SMAGP: variants seen among roughly 807,000 people sequenced by gnomAD.
SMAGP encodes the protein small cell adhesion glycoprotein.
In SMAGP, 7 loss-of-function variants were observed where a neutral mutation model predicts 10.1. The observed-to-expected ratio is 0.70, with a 90% CI of 0.40 to 1.31. SMAGP has a LOEUF of 1.31. Ranked by LOEUF, SMAGP falls within the 50% of genes most tolerant of loss-of-function variation. The pLI is 0.01. For missense variants in SMAGP, 113 were observed against 116.5 expected, an observed-to-expected ratio of 0.97 and a Z score of 0.14; for synonymous variants, 49 against 47.2, an observed-to-expected ratio of 1.04 and a Z score of -0.16.
chr12:51,250,075 T>G (rs1166385873), intron 2 of SMAGP, among the ~76,000 whole-genome samples: 1 of 151,780 alleles, frequency 6.6e-6, no homozygotes, highest in East Asian at 1.9e-4. Flanking sequence ...TTAATATGCT[T>G]AGTGATTAAA....
At chr12:51,248,800 C>A (rs1341763981) in intron 2 of SMAGP, among the ~76,000 whole-genome samples, 2 of 150,080 alleles carry the variant, frequency 1.3e-5, no homozygotes, top group African/African-American at 4.9e-5. Flanking sequence ...TGCCTGTAAT[C>A]CCAGCCCTTT....
At chr12:51,265,878 C>T (rs544511875) in intron 2 of SMAGP, among the ~76,000 whole-genome samples, 41 of 152,078 alleles carry the variant, frequency 2.7e-4, no homozygotes, top group African/African-American at 9.2e-4. Flanking sequence ...GTCAGGAGAT[C>T]AAGACCATCC....
intron 2 of SMAGP, among the ~76,000 whole-genome samples, chr12:51,264,983 A>C (rs1565660794): frequency 3.3e-5 from 5 of 150,992 alleles, no homozygotes. Context: ...TTCAACGATC[A>C]ATTTTTTAAA....
At position 51,266,275 on chromosome 12, in the gene SMAGP, C is replaced by T. The variant is rs76118493; in HGVS notation, c.34+2970G>A. Among the ~76,000 whole-genome samples the T allele has an allele frequency of 3.2e-3, 480 of 152,260 alleles. 1 individual carries two copies. Among genetic ancestry groups the T allele is most frequent in the Non-Finnish European group, 5.3e-3 (358 of 68,010 alleles). On this transcript the variant is annotated intron_variant, in intron 2 of 3. Transcript: ENST00000603798. ...GCGTGATGAAATCTCACACCCTGCTCCATCCTGCCTGGAAAGTGAATCATC... is the reference window on the plus strand; with the variant it reads ...GCGTGATGAAATCTCACACCCTGCTTCATCCTGCCTGGAAAGTGAATCATC...
chr12:51,269,360 C>T, intron 1 of SMAGP, 44 bp from the exon 2 acceptor site: 1 of 1,547,944 alleles, frequency 6.5e-7, no homozygotes, highest in Non-Finnish European at 8.9e-7. Context: ...GGGTGGGCCC[C>T]TATGGCTTTG....
At chr12:51,254,956 G>A (rs77135460) in intron 2 of SMAGP, among the ~76,000 whole-genome samples, 2 of 152,350 alleles carry the variant, frequency 1.3e-5, no homozygotes, top group African/African-American at 4.8e-5. Flanking sequence ...GTAGGCCAAG[G>A]TAAGGGCTTT....
intron 2 of SMAGP, among the ~76,000 whole-genome samples, chr12:51,256,740 AC>A (rs1944888240): frequency 2.8e-5 from 1 of 35,296 alleles, no homozygotes; most frequent in African/African-American, 6.5e-5. Context: ...AAACAAACAA[AC>A]AAAAAAAACA....
chr12:51,248,560 G>C (rs554300767), intron 2 of SMAGP, among the ~76,000 whole-genome samples: 6 of 152,088 alleles, frequency 3.9e-5, no homozygotes, highest in African/African-American at 1.2e-4. Context: ...CCGCAGGAGC[G>C]GGCCTCAGGA....
intron 2 of SMAGP, among the ~76,000 whole-genome samples, chr12:51,247,685 C>T (rs1015579066): frequency 6.6e-6 from 1 of 152,204 alleles, no homozygotes; most frequent in African/African-American, 2.4e-5. Context: ...GGAAAACCAG[C>T]TGGCTGATCC....
At chr12:51,252,106 T>TG (rs2137299060) in intron 2 of SMAGP, among the ~76,000 whole-genome samples, 1 of 151,736 alleles carries the variant, frequency 6.6e-6, no homozygotes, top group African/African-American at 2.4e-5. Context: ...TTTTTTTTTT[T>TG]TTTTCCAGAC....
chr12:51,255,996 C>G (rs1226216538), intron 2 of SMAGP, among the ~76,000 whole-genome samples: 1 of 152,120 alleles, frequency 6.6e-6, no homozygotes, highest in Non-Finnish European at 1.5e-5. Flanking sequence ...GTCTTGAACT[C>G]CTAACCTCAA....
intron 2 of SMAGP, among the ~76,000 whole-genome samples, chr12:51,248,942 T>C (rs1470714666): frequency 2.8e-5 from 4 of 141,766 alleles, no homozygotes; most frequent in Non-Finnish European, 6.0e-5. Flanking sequence ...TAGCCAAGTA[T>C]GGTGGTGTGC....
chr12:51,260,929 AC>A (rs1944927256), intron 2 of SMAGP, among the ~76,000 whole-genome samples: 2 of 150,248 alleles, frequency 1.3e-5, no homozygotes, highest in African/African-American at 4.9e-5. Context: ...TTCGTGATCC[AC>A]CCGCCTCAGC....
chr12:51,263,177 G>A (rs1479936943), intron 2 of SMAGP, among the ~76,000 whole-genome samples: 1 of 152,086 alleles, frequency 6.6e-6, no homozygotes, highest in African/African-American at 2.4e-5. Context: ...GAGATCAGAA[G>A]TTCGAGACCA....
At chr12:51,266,355 G>C (rs1424213416) in intron 2 of SMAGP, among the ~76,000 whole-genome samples, 1 of 151,772 alleles carries the variant, frequency 6.6e-6, no homozygotes, top group Non-Finnish European at 1.5e-5. Context: ...TTGTGTTCAA[G>C]TAACCCTTAT....
At chr12:51,258,621 T>C (rs1363418722) in intron 2 of SMAGP, among the ~76,000 whole-genome samples, 3 of 149,976 alleles carry the variant, frequency 2.0e-5, no homozygotes, top group Non-Finnish European at 3.0e-5. Context: ...AAAGAAAAGA[T>C]TATTTATAAT....
rs551433443 is a variant in SMAGP, at chr12:51,264,338, G to A, written c.34+4907C>T. ...CACTACTTCACTCATGTCACTCGCT[G>A]GATCAAGAATGCAGCCAGGTGAGGT... On this transcript the variant is annotated intron_variant, in intron 2 of 3. Transcript: ENST00000603798. Among the ~76,000 whole-genome samples, 103 of 152,320 alleles carry A rather than the reference G, an allele frequency of 6.8e-4. 1 individual carries two copies. Among genetic ancestry groups the A allele is most frequent in the African/African-American group, 2.4e-3 (101 of 41,572 alleles).
At chr12:51,256,718 C>T (rs1316208353) in intron 2 of SMAGP, among the ~76,000 whole-genome samples, 1 of 139,262 alleles carries the variant, frequency 7.2e-6, no homozygotes, top group Non-Finnish European at 1.5e-5. Context: ...GAAACTCCGT[C>T]TCAAAACAAA....
rs535314924 is a variant in SMAGP, at chr12:51,264,649, A to G, written c.34+4596T>C. Among the ~76,000 whole-genome samples, 14 of 148,394 alleles carry G rather than the reference A, an allele frequency of 9.4e-5. No individual in the cohort carries two copies. The East Asian group carries it at 2.8e-3, about 30-fold the overall frequency. ...TCTTAAAAAAAAAAAAAAAAAAAAAAGGTCAGGCACAGTGGCTCATGCCTG... is the reference window on the plus strand; with the variant it reads ...TCTTAAAAAAAAAAAAAAAAAAAAAGGGTCAGGCACAGTGGCTCATGCCTG... On this transcript the variant is annotated intron_variant, in intron 2 of 3. Coordinates refer to ENST00000603798, the MANE Select transcript of SMAGP (RefSeq NM_001031628.2).
Sources: gnomAD v4.1 joint callset for allele counts (sites outside exome capture counted in the v4.1 genomes callset) on GRCh38, gnomAD v4.1.1 for gene constraint, MANE v1.5 for transcripts, NCBI Gene and HGNC (gene_info 2026-07-23, HGNC 2026-07-21) for gene names.